The following DLG1 variants were observed in gnomAD, a reference collection of about 807,000 sequenced individuals.
DLG1 encodes discs large MAGUK scaffold protein 1.
A neutral mutation model predicts 123.4 loss-of-function variants in DLG1; 42 were observed. The ratio of observed to expected loss-of-function variants is 0.34; its 90% CI spans 0.27 to 0.44. The LOEUF is 0.44. Ranked by LOEUF, DLG1 falls within the 20% of genes least tolerant of loss-of-function variation. The pLI, the probability that DLG1 is intolerant of heterozygous loss-of-function variation, is 1.00. For missense variants in DLG1, 942 were observed against 1,082.6 expected (o/e 0.87, Z 1.82); for synonymous variants, 317 against 356.2 (o/e 0.89, Z 1.24).
chr3:197,088,483 C>T (rs1006305843), intron 15 of DLG1, among the ~76,000 whole-genome samples: 1 of 152,124 alleles, frequency 6.6e-6, no homozygotes, highest in Admixed American at 6.5e-5. Context: ...AGGGTGCCTC[C>T]CACACACCTT....
chr3:197,127,772 C>T (rs150481239), intron 11 of DLG1, among the ~76,000 whole-genome samples: 5 of 151,822 alleles, frequency 3.3e-5, no homozygotes, highest in East Asian at 1.9e-4. Flanking sequence ...AGCAATAAAG[C>T]GAATATTGCA....
chr3:197,087,027 G>C (rs540886390), intron 15 of DLG1, among the ~76,000 whole-genome samples: 3 of 152,268 alleles, frequency 2.0e-5, no homozygotes, highest in African/African-American at 7.2e-5. Flanking sequence ...ATACATGTGA[G>C]TTATTAATCG....
intron 17 of DLG1, among the ~76,000 whole-genome samples, chr3:197,079,622 A>C (rs1263361097): frequency 6.6e-6 from 1 of 152,234 alleles, no homozygotes; most frequent in Non-Finnish European, 1.5e-5. Context: ...GGTATATTGT[A>C]CTAAATCATT....
intron 13 of DLG1, among the ~76,000 whole-genome samples, chr3:197,114,810 G>A (rs868331861): frequency 1.3e-5 from 2 of 151,774 alleles, no homozygotes; most frequent in South Asian, 2.1e-4. Context: ...GTGAAACCCC[G>A]TCTCTAAAAA....
At chr3:197,077,360 C>T (rs56003459) in intron 17 of DLG1, among the ~76,000 whole-genome samples, 1 of 152,186 alleles carries the variant, frequency 6.6e-6, no homozygotes, top group East Asian at 1.9e-4. Flanking sequence ...CAGCAAGAGA[C>T]TTATCAATGC....
At chr3:197,256,338 A>G (rs1756880874) in intron 4 of DLG1, among the ~76,000 whole-genome samples, 1 of 152,394 alleles carries the variant, frequency 6.6e-6, no homozygotes, top group Non-Finnish European at 1.5e-5. Flanking sequence ...GTGTGGCCCA[A>G]TTTGGCCCAC....
At chr3:197,181,228 T>G (rs1271873044) in intron 5 of DLG1, among the ~76,000 whole-genome samples, 2 of 152,176 alleles carry the variant, frequency 1.3e-5, no homozygotes, top group African/African-American at 4.8e-5. Flanking sequence ...ATAGTTTTCA[T>G]ACTAATAGAA....
intron 4 of DLG1, chr3:197,226,223 G>C (rs777307414): frequency 2.0e-5 from 3 of 152,206 alleles, no homozygotes; most frequent in Non-Finnish European, 4.4e-5. Context: ...CAAATTACCA[G>C]AATGAAAGTG....
At chr3:197,186,923 T>C (rs1364025223) in intron 5 of DLG1, among the ~76,000 whole-genome samples, 1 of 152,038 alleles carries the variant, frequency 6.6e-6, no homozygotes, top group Non-Finnish European at 1.5e-5. Context: ...GGAAAAGCAA[T>C]ACTGAAACTC....
At chr3:197,199,281 C>A (rs1724350113) in intron 4 of DLG1, among the ~76,000 whole-genome samples, 1 of 152,124 alleles carries the variant, frequency 6.6e-6, no homozygotes. Context: ...GGTTGAGCAT[C>A]CCTAATCTGA....
chr3:197,143,049 C>T (rs1577011277), intron 6 of DLG1, among the ~76,000 whole-genome samples: 1 of 152,046 alleles, frequency 6.6e-6, no homozygotes, highest in Middle Eastern at 3.4e-3. Flanking sequence ...TGTCTTGATC[C>T]ACACATCTAA....
intron 4 of DLG1, among the ~76,000 whole-genome samples, chr3:197,256,010 T>A (rs749991477): frequency 9.9e-5 from 15 of 152,208 alleles, no homozygotes; most frequent in South Asian, 6.2e-4. Flanking sequence ...TAAACAAGAA[T>A]CTTTGGGAAT....
chr3:197,058,454 A>C (rs1352906728), intron 23 of DLG1, among the ~76,000 whole-genome samples: 1 of 152,218 alleles, frequency 6.6e-6, no homozygotes, highest in Non-Finnish European at 1.5e-5. Flanking sequence ...TTAGTTCAAA[A>C]CATCAATTTA....
At chr3:197,280,060 AC>A (rs1768459053) in intron 4 of DLG1, among the ~76,000 whole-genome samples, 1 of 152,174 alleles carries the variant, frequency 6.6e-6, no homozygotes, top group Non-Finnish European at 1.5e-5. Context: ...TAGTCACCCT[AC>A]TGTGCTACTG....
rs185234985 is a variant in DLG1 at position 197,214,530 on chromosome 3, G to A, written c.319-19941C>T. On this transcript the variant is annotated intron_variant, in intron 4 of 24. Transcript: ENST00000667157. ...GGAGCTTGTAGTGAGCCGAGACAGCGCCACTGCACTCTAGCCTGGGCGACA... is the reference window on the plus strand; with the variant it reads ...GGAGCTTGTAGTGAGCCGAGACAGCACCACTGCACTCTAGCCTGGGCGACA... Among the ~76,000 whole-genome samples the A allele has an allele frequency of 4.4e-3, 664 of 152,050 alleles. 4 individuals carry two copies. The highest frequency in any genetic ancestry group is 7.7e-3 in the Non-Finnish European group (521 of 67,982).
At chr3:197,220,477 A>G (rs568376268) in intron 4 of DLG1, among the ~76,000 whole-genome samples, 2 of 152,328 alleles carry the variant, frequency 1.3e-5, no homozygotes, top group South Asian at 4.1e-4. Flanking sequence ...GGCTAATAAT[A>G]TATATCACAG....
chr3:197,164,402 C>T (rs113966547), intron 5 of DLG1, among the ~76,000 whole-genome samples: 2,424 of 151,286 alleles, frequency 0.016, 68 homozygotes, highest in African/African-American at 0.054. Flanking sequence ...GTCTCCCCCT[C>T]CTCAAAAAAA....
At chr3:197,064,797 T>C (rs955264173) in intron 22 of DLG1, among the ~76,000 whole-genome samples, 4 of 152,080 alleles carry the variant, frequency 2.6e-5, no homozygotes, top group Non-Finnish European at 5.9e-5. Context: ...TTAGATTTAT[T>C]GATCTTTCTT....
At chr3:197,179,062 G>A (rs9857189) in intron 5 of DLG1, among the ~76,000 whole-genome samples, 113,079 of 151,946 alleles carry the variant, frequency 0.74, 42,211 homozygotes, top group East Asian at 0.81. Context: ...ATTTATTTTA[G>A]CAGGCTGGAA....
Sources: allele counts gnomAD v4.1 joint callset (sites outside exome capture counted in the v4.1 genomes callset), GRCh38; gene constraint gnomAD v4.1.1; transcripts MANE v1.5; gene names NCBI Gene and HGNC (gene_info 2026-07-23, HGNC 2026-07-21).